The following STX4 variants were observed in gnomAD, a reference collection of about 807,000 sequenced individuals.
The protein encoded by STX4 is syntaxin 4, also known as syntaxin-4.
In STX4, 24 loss-of-function variants were observed where a neutral mutation model predicts 41.8. That is an observed-to-expected ratio of 0.57 (90% confidence interval 0.42 to 0.81). The LOEUF (loss-of-function observed/expected upper bound fraction) is 0.81, where lower values mean the gene tolerates loss of function less well. Among genes scored for constraint, STX4 ranks in the 30% least tolerant of loss-of-function variants. STX4 has a pLI of 0.00. For missense variants in STX4, 316 were observed against 389.9 expected (o/e 0.81, Z 1.60); for synonymous variants, 158 against 156.4 (o/e 1.01, Z -0.08).
At position 31,037,975 on chromosome 16, in the gene STX4, C is replaced by A; in HGVS notation, c.428C>A (p.Ser143Ter). 1 of 1,614,156 alleles carries A rather than the reference C, an allele frequency of 6.2e-7. No homozygotes were observed. Among genetic ancestry groups the A allele is most frequent in the South Asian group, 1.1e-5 (1 of 91,076 alleles). The change falls in exon 6 of 11, where the codon TCA (serine) becomes TAA (stop). Residue 143 changes from serine (S) to a stop codon, truncating the protein, a stop_gained. Coordinates refer to ENST00000313843, the MANE Select transcript of STX4 (RefSeq NM_004604.5). LOFTEE classifies it high-confidence loss of function. ...GTGGAGCTCATCAACAAGTGCAATT[C>A]AATGCAGTCCGAATACCGGGAGAAG... Reference protein sequence around the residue: ...QFVELINKCNSMQSEYREKNV... With the variant: ...QFVELINKCN
chr16:31,037,129 T>C (rs1405399628), intron 5 of STX4, among the ~76,000 whole-genome samples: 1 of 144,376 alleles, frequency 6.9e-6, no homozygotes, highest in African/African-American at 2.5e-5. Context: ...AGTGGTGCCA[T>C]CTCTGCTCAC....
chr16:31,039,822 A>T lies in STX4; in HGVS notation c.*15+4A>T. On this transcript the variant is annotated splice_donor_region_variant and intron_variant, in intron 10 of 10. Coordinates refer to ENST00000313843, the MANE Select transcript of STX4 (RefSeq NM_004604.5). The surrounding 1 kb of genome is among the most constrained non-coding windows in gnomAD (Gnocchi z 4.1). Reference sequence around the variant, plus strand: ...TGGATAATGTCGCACATTGTTGGTGAGATGTTGTGGGCTGCCCCCTGGCCT... The same window carrying T: ...TGGATAATGTCGCACATTGTTGGTGTGATGTTGTGGGCTGCCCCCTGGCCT... The T allele has an allele frequency of 6.2e-7, 1 of 1,613,906 alleles. No homozygotes were observed.
upstream of STX4, chr16:31,033,497 C>G (rs1261341827): frequency 2.6e-6 from 4 of 1,550,642 alleles, no homozygotes; most frequent in South Asian, 1.2e-5. The surrounding 1 kb of genome is among the most constrained non-coding windows in gnomAD (Gnocchi z 5.5). Flanking sequence ...CCTTCCCAGC[C>G]TCGGGCAAGG....
upstream of STX4, chr16:31,033,508 A>T: frequency 6.4e-7 from 1 of 1,550,564 alleles, no homozygotes. This position sits in a 1 kb window ranked among gnomAD's most constrained non-coding sequence, Gnocchi z 5.5. Context: ...TCGGGCAAGG[A>T]AGAGACGCGA....
Position 31,038,619 on chromosome 16 carries a change from C to G in STX4, c.674C>G (p.Thr225Ser), listed in dbSNP as rs1360298642. 6.2e-7 allele frequency: 1 copy of G among 1,614,110 alleles called. No individual in the cohort carries two copies. Among genetic ancestry groups the G allele is most frequent in the Middle Eastern group, 1.6e-4 (1 of 6,062 alleles). Residue 225 changes from threonine to serine, a missense_variant, in exon 8 of 11, where the codon ACT (threonine) becomes AGT (serine). Coordinates refer to ENST00000313843, the MANE Select transcript of STX4 (RefSeq NM_004604.5). ...ATTCGTGAGCTGCACGACATATTCACTTTTCTGGCTACCGAAGTGGAGATG... is the reference window on the plus strand; with the variant it reads ...ATTCGTGAGCTGCACGACATATTCAGTTTTCTGGCTACCGAAGTGGAGATG... ...RSIRELHDIF[T>S]FLATEVEMQG...
intron 5 of STX4, chr16:31,035,908 G>A (rs940482352): frequency 5.3e-5 from 8 of 152,098 alleles, no homozygotes; most frequent in African/African-American, 1.4e-4. Flanking sequence ...CTCACGAGTA[G>A]CTGGGATTAC....
At chr16:31,034,582 C>G in intron 4 of STX4, 46 bp downstream of exon 4, 1 of 1,506,918 alleles carries the variant, frequency 6.6e-7, no homozygotes, top group East Asian at 2.4e-5. Flanking sequence ...TGATCCTGCC[C>G]TGTTGTTGGT....
At position 31,038,520 on chromosome 16, in the gene STX4, A is replaced by C. The variant is rs143510048; in HGVS notation, c.575A>C (p.Asp192Ala). The C allele has an allele frequency of 1.1e-5, 17 of 1,614,086 alleles. No individual in the cohort carries two copies. Among genetic ancestry groups the C allele is most frequent in the Middle Eastern group, 1.7e-4 (1 of 6,060 alleles). ...SEVFVSNILK[D>A]TQVTRQALNE... The stretch of plus-strand genomic sequence containing the variant: ...CTGTCCACCCCCCAGATCCTGAAGG[A>C]CACGCAGGTGACTCGACAGGCCTTA... The change falls in exon 8 of 11, where the codon GAC becomes GCC. Residue 192 changes from aspartate to alanine, a missense_variant. Asp to Ala is a moderately radical substitution (Grantham distance 126). Coordinates refer to ENST00000313843, the MANE Select transcript of STX4 (RefSeq NM_004604.5).
Position 31,039,814 on chromosome 16 carries a change from T to C in STX4, c.*11T>C. ...ACAGTGGTTGGATAATGTCGCACAT[T>C]GTTGGTGAGATGTTGTGGGCTGCCC... is the stretch of plus-strand genomic sequence containing the variant. On this transcript the variant is annotated 3_prime_UTR_variant, in exon 10 of 11. Coordinates refer to ENST00000313843, the MANE Select transcript of STX4 (RefSeq NM_004604.5). The surrounding 1 kb of genome is among the most constrained non-coding windows in gnomAD (Gnocchi z 4.1). The C allele has an allele frequency of 6.2e-7, 1 of 1,614,094 alleles. No homozygotes were observed. The highest frequency in any genetic ancestry group is 8.5e-7 in the Non-Finnish European group (1 of 1,179,974).
chr16:31,033,664 G>A lies in STX4; in HGVS notation c.-142G>A, dbSNP rs2056773394. The stretch of plus-strand genomic sequence containing the variant: ...TTCCCATTGACTGTGGGCGGTGCAA[G>A]GGACGGAGCCTCTGGCGGCTCGTGG... On this transcript the variant is annotated 5_prime_UTR_variant, in exon 1 of 11. Coordinates refer to ENST00000313843, the MANE Select transcript of STX4 (RefSeq NM_004604.5). The surrounding 1 kb of genome is among the most constrained non-coding windows in gnomAD (Gnocchi z 5.5). The A allele has an allele frequency of 6.9e-6, 10 of 1,456,336 alleles. No homozygotes were observed. Among genetic ancestry groups the A allele is most frequent in the Non-Finnish European group, 9.0e-6 (10 of 1,107,762 alleles). 90.2% of individuals were successfully genotyped at this position (1,456,336 alleles called of 1,614,324 possible).
At chr16:31,034,871 C>T (rs2056787593) in intron 4 of STX4, 99 bp from the exon 5 acceptor site, 6 of 1,119,086 alleles carry the variant, frequency 5.4e-6, no homozygotes, top group Non-Finnish European at 6.3e-6. Context: ...CTTACTTTCT[C>T]CTCTTAGAGG....
intron 5 of STX4, among the ~76,000 whole-genome samples, chr16:31,036,009 T>C (rs8056842): frequency 0.44 from 66,167 of 151,792 alleles, 15,495 homozygotes; most frequent in South Asian, 0.71. Flanking sequence ...GAACTCCTGA[T>C]CTCAACTGAT....
Position 31,039,312 on chromosome 16 carries a change from A to G in STX4, c.703-229A>G. On this transcript the variant is annotated intron_variant, in intron 8 of 10. Coordinates refer to ENST00000313843, the MANE Select transcript of STX4 (RefSeq NM_004604.5). This position sits in a 1 kb window ranked among gnomAD's most constrained non-coding sequence, Gnocchi z 4.1. Reference sequence around the variant, plus strand: ...CATTTGAGGCCCTTAGCTCCAAGCTACCACTGCAGATAGAGGTTGTATGGG... The same window carrying G: ...CATTTGAGGCCCTTAGCTCCAAGCTGCCACTGCAGATAGAGGTTGTATGGG... The G allele has an allele frequency of 3.8e-6, 2 of 521,422 alleles. No homozygotes were observed. Among genetic ancestry groups the G allele is most frequent in the Non-Finnish European group, 6.9e-6 (2 of 289,344 alleles). The allele number at this position is 521,422 out of a possible 1,614,324, so 32.3% of individuals were successfully genotyped here.
chr16:31,037,999 A>G lies in STX4; in HGVS notation c.452A>G (p.Lys151Arg), dbSNP rs2056815887. The change falls in exon 6 of 11, where the codon AAG (lysine) becomes AGG (arginine). Residue 151 changes from lysine (K) to arginine (R), a missense_variant. By Grantham distance (26) the Lys-to-Arg change is conservative. Transcript: ENST00000313843. ...TCAATGCAGTCCGAATACCGGGAGAAGAACGTGGAGCGGATTCGGAGGCAG... is the reference window on the plus strand; with the variant it reads ...TCAATGCAGTCCGAATACCGGGAGAGGAACGTGGAGCGGATTCGGAGGCAG... ...CNSMQSEYRE[K>R]NVERIRRQLK... 1 of 1,614,174 alleles carries G rather than the reference A, an allele frequency of 6.2e-7. No individual in the cohort carries two copies. The highest frequency in any genetic ancestry group is 8.5e-7 in the Non-Finnish European group (1 of 1,180,024).
upstream of STX4, chr16:31,033,447 A>G: frequency 1.3e-6 from 2 of 1,540,342 alleles, no homozygotes; most frequent in South Asian, 1.2e-5. The surrounding 1 kb of genome is among the most constrained non-coding windows in gnomAD (Gnocchi z 5.5). Context: ...GCGTCCAGGC[A>G]TCTCCGCTTC....
intron 5 of STX4, among the ~76,000 whole-genome samples, chr16:31,036,589 A>C (rs947263719): frequency 6.6e-6 from 1 of 152,158 alleles, no homozygotes; most frequent in Non-Finnish European, 1.5e-5. Flanking sequence ...GTCCTCATGG[A>C]ACTTCCCTTC....
In STX4 at chr16:31,034,120, G is replaced by A; in HGVS notation, c.132+6G>A. 6.2e-7 allele frequency: 1 copy of A among 1,609,106 alleles called. No homozygotes were observed. The highest frequency in any genetic ancestry group is 8.5e-7 in the Non-Finnish European group (1 of 1,176,762). Reference sequence around the variant, plus strand: ...ACGAGGAGTTCTTCCACAAGGTAAGGGGCTGGGGTCTCCGCCTGGATTCGC... The same window carrying A: ...ACGAGGAGTTCTTCCACAAGGTAAGAGGCTGGGGTCTCCGCCTGGATTCGC... On this transcript the variant is annotated splice_donor_region_variant and intron_variant, in intron 2 of 10. Coordinates refer to ENST00000313843, the MANE Select transcript of STX4 (RefSeq NM_004604.5).
intron 7 of STX4, 34 bp from the exon 8 acceptor site, chr16:31,038,476 G>A (rs1340514397): frequency 1.2e-6 from 2 of 1,612,998 alleles, no homozygotes; most frequent in East Asian, 2.2e-5. Context: ...CGGTCTCCCT[G>A]TGAACAGTTG....
chr16:31,038,988 A>C, intron 8 of STX4: 1 of 298,568 alleles, frequency 3.3e-6, no homozygotes, highest in Non-Finnish European at 6.5e-6. Context: ...GCCTCCTAAC[A>C]TCTGTACAAG....
Sources: allele counts gnomAD v4.1 joint callset (sites outside exome capture counted in the v4.1 genomes callset), GRCh38; gene constraint gnomAD v4.1.1; non-coding constraint Gnocchi (gnomAD v3.1); transcripts MANE v1.5; gene names NCBI Gene and HGNC (gene_info 2026-07-23, HGNC 2026-07-21).